KRR1: variants seen among roughly 807,000 people sequenced by gnomAD.
The protein encoded by KRR1 is KRR1 small subunit processome component homolog.
A neutral mutation model predicts 50.0 loss-of-function variants in KRR1; 23 were observed. The observed-to-expected ratio is 0.46, with a 90% confidence interval of 0.33 to 0.65. The LOEUF is 0.65. Among genes scored for constraint, KRR1 ranks in the 30% least tolerant of loss-of-function variants. KRR1 has a pLI of 0.02. For missense variants in KRR1, 419 were observed against 442.4 expected, an observed-to-expected ratio of 0.95 and a Z score of 0.47; for synonymous variants, 133 against 146.3, an observed-to-expected ratio of 0.91 and a Z score of 0.66.
At chr12:75,505,438 GAATAC>G (rs1444805420) in intron 5 of KRR1, among the ~76,000 whole-genome samples, 184 bp from the exon 6 acceptor site, 1 of 151,976 alleles carries the variant, frequency 6.6e-6, no homozygotes, top group Non-Finnish European at 1.5e-5. Flanking sequence ...AATCTCCCTT[GAATAC>G]AATACAGTTT....
In KRR1 at chr12:75,506,889, C is replaced by A; in HGVS notation, c.286G>T (p.Glu96Ter). 6.2e-7 allele frequency: 1 copy of A among 1,612,222 alleles called. No homozygotes were observed. Among genetic ancestry groups the A allele is most frequent in the Non-Finnish European group, 8.5e-7 (1 of 1,179,110 alleles). Residue 96 changes from glutamate (E) to a stop codon, truncating the protein, a stop_gained, in exon 3 of 10, where the codon GAA (glutamate) becomes TAA (stop). Transcript: ENST00000229214. LOFTEE classifies it high-confidence loss of function. ...HHVNATLDLI[E>*]GSMTVCTTKK... is the part of the protein sequence containing the mutation. The stretch of plus-strand genomic sequence containing the variant: ...GTAGTACAAACAGTCATGCTGCCTT[C>A]GATCAGGTCCAGGGTTGCATTAACA...
rs565529068 is a variant in KRR1 at position 75,497,075 on chromosome 12, T to C, written c.*2734A>G. 6.6e-6 allele frequency: 1 copy of C among 152,352 alleles called. No homozygotes were observed. The highest frequency in any genetic ancestry group is 1.9e-4 in the East Asian group (1 of 5,186). 9.4% of individuals were successfully genotyped at this position (152,352 alleles called of 1,614,324 possible). A position where few individuals can be genotyped will look rare whatever the true frequency, so the allele number is the denominator to read the frequency against. ...TTCCTTCCAAATTAACCAGTATACA[T>C]AAGGGCTAAAACTATGGATTTCAGA... On this transcript the variant is annotated 3_prime_UTR_variant, in exon 10 of 10. Transcript: ENST00000229214.
chr12:75,499,743 C>A lies in KRR1; in HGVS notation c.*66G>T. ...AGAAAATTTCTCACAAATAAGGCAA[C>A]TAATGCCTGATATCTCAAAATCCTT... On this transcript the variant is annotated 3_prime_UTR_variant, in exon 10 of 10. Transcript: ENST00000229214. 2.4e-6 allele frequency: 3 copies of A among 1,251,352 alleles called. No homozygotes were observed. The highest frequency in any genetic ancestry group is 2.7e-5 in the East Asian group (1 of 37,412). The allele number at this position is 1,251,352 out of a possible 1,614,324, so 77.5% of individuals were successfully genotyped here.
rs2046322938 is a variant in KRR1, at chr12:75,491,371, C to G, written c.*8438G>C. 1 of 152,174 alleles carries G rather than the reference C, an allele frequency of 6.6e-6. No homozygotes were observed. The highest frequency in any genetic ancestry group is 1.9e-4 in the East Asian group (1 of 5,198). The allele number at this position is 152,174 out of a possible 1,614,324, so 9.4% of individuals were successfully genotyped here. A position where few individuals can be genotyped will look rare whatever the true frequency, so the allele number is the denominator to read the frequency against. ...GTGACTATCACTGATGGACTTTGAT[C>G]TGGCTGTCTAGCTCCAGAGTCCATG... On this transcript the variant is annotated 3_prime_UTR_variant, in exon 10 of 10. Transcript: ENST00000229214.
intron 7 of KRR1, chr12:75,503,312 TTCTC>T (rs1160947962): frequency 2.0e-5 from 3 of 152,154 alleles, no homozygotes; most frequent in African/African-American, 7.2e-5. Context: ...AGATAAAACT[TTCTC>T]TAACTTAATT....
At chr12:75,501,554 C>A in intron 9 of KRR1, 169 bp downstream of exon 9, 1 of 583,384 alleles carries the variant, frequency 1.7e-6, no homozygotes. Context: ...TTAGCTGCCT[C>A]TAAATTATAA....
intron 9 of KRR1, chr12:75,500,494 TAATTC>T (rs1318196156): frequency 2.5e-5 from 1 of 39,486 alleles, no homozygotes; most frequent in Non-Finnish European, 1.1e-4. Flanking sequence ...TTCAATGAAT[TAATTC>T]ATTTAATGTT....
intron 1 of KRR1, 49 bp downstream of exon 1, chr12:75,511,464 G>T: frequency 6.6e-7 from 1 of 1,504,074 alleles, no homozygotes. Context: ...AAAAAACATC[G>T]CAACTCAACG....
chr12:75,502,319 A>G (rs1262393754), intron 7 of KRR1: 3 of 218,260 alleles, frequency 1.4e-5, no homozygotes, highest in East Asian at 2.1e-4. Context: ...AATGGCAGAC[A>G]AAGTAGGAGG....
Position 75,493,321 on chromosome 12 carries a change from T to C in KRR1, c.*6488A>G, listed in dbSNP as rs1216633331. The C allele has an allele frequency of 7.2e-5, 11 of 152,226 alleles. No homozygotes were observed. Among genetic ancestry groups the C allele is most frequent in the Admixed American group, 7.2e-4 (11 of 15,276 alleles). 9.4% of individuals were successfully genotyped at this position (152,226 alleles called of 1,614,324 possible). On this transcript the variant is annotated 3_prime_UTR_variant, in exon 10 of 10. Transcript: ENST00000229214. ...TGCCCTCTGCCCTCTGAGGTATTAT[T>C]TTCCTATACACAAAAAGTTGTAGGC... is the stretch of plus-strand genomic sequence containing the variant.
chr12:75,498,666 T>TTTTTC lies in KRR1; in HGVS notation c.*1138_*1142dup. The TTTTTC allele has an allele frequency of 6.3e-7, 1 of 1,597,014 alleles. No individual in the cohort carries two copies. Among genetic ancestry groups the TTTTTC allele is most frequent in the Non-Finnish European group, 8.6e-7 (1 of 1,164,682 alleles). On this transcript the variant is annotated 3_prime_UTR_variant, in exon 10 of 10. Transcript: ENST00000229214. ...TCAACTGTGTCTACCCTTTTAATTT[T>TTTTTC]TTTTCTTTCTTCCCCCTAACTTTAC...
rs1320409899 is a variant in KRR1 at position 75,494,971 on chromosome 12, GCTCA to G, written c.*4834_*4837del. On this transcript the variant is annotated 3_prime_UTR_variant, in exon 10 of 10. Transcript: ENST00000229214. The stretch of plus-strand genomic sequence containing the variant: ...AGAACAAAGACAAGCACATGGTAGT[GCTCA>G]CTAATTAGCAGCTATTATTCATATC... 1 of 152,148 alleles carries G rather than the reference GCTCA, an allele frequency of 6.6e-6. No individual in the cohort carries two copies. The highest frequency in any genetic ancestry group is 1.5e-5 in the Non-Finnish European group (1 of 68,054). 9.4% of individuals were successfully genotyped at this position (152,148 alleles called of 1,614,324 possible). A position where few individuals can be genotyped will look rare whatever the true frequency, so the allele number is the denominator to read the frequency against.
chr12:75,509,318 T>C (rs1267100178), intron 1 of KRR1, among the ~76,000 whole-genome samples: 1 of 152,190 alleles, frequency 6.6e-6, no homozygotes, highest in Non-Finnish European at 1.5e-5. Flanking sequence ...ACAGACCTAC[T>C]GAATGAGAAT....
At position 75,495,576 on chromosome 12, in the gene KRR1, G is replaced by T. The variant is rs769877918; in HGVS notation, c.*4233C>A. On this transcript the variant is annotated 3_prime_UTR_variant, in exon 10 of 10. Coordinates refer to ENST00000229214, the MANE Select transcript of KRR1 (RefSeq NM_007043.7). ...ATGGACATCCTTCTTCTGCTTTACA[G>T]AGGGAATTACCCAACTTGGCCATAT... The T allele has an allele frequency of 6.3e-7, 1 of 1,578,790 alleles. No homozygotes were observed. The highest frequency in any genetic ancestry group is 2.2e-5 in the East Asian group (1 of 44,688).
chr12:75,510,688 G>A (rs1454380889), intron 1 of KRR1, among the ~76,000 whole-genome samples: 1 of 152,162 alleles, frequency 6.6e-6, no homozygotes, highest in African/African-American at 2.4e-5. Flanking sequence ...GGTTTGAGGG[G>A]TATGGTAATG....
At position 75,495,377 on chromosome 12, in the gene KRR1, T is replaced by C. The variant is rs900118831; in HGVS notation, c.*4432A>G. On this transcript the variant is annotated 3_prime_UTR_variant, in exon 10 of 10. Coordinates refer to ENST00000229214, the MANE Select transcript of KRR1 (RefSeq NM_007043.7). Reference sequence around the variant, plus strand: ...TGGGATGCAGATTAAAACAGGTGCATAGACACAGGTACATAGAATGAACTA... The same window carrying C: ...TGGGATGCAGATTAAAACAGGTGCACAGACACAGGTACATAGAATGAACTA... 1.6e-5 allele frequency: 8 copies of C among 490,260 alleles called. No homozygotes were observed. Among genetic ancestry groups the C allele is most frequent in the African/African-American group, 5.8e-5 (3 of 51,702 alleles). 30.4% of individuals were successfully genotyped at this position (490,260 alleles called of 1,614,324 possible). A position where few individuals can be genotyped will look rare whatever the true frequency, so the allele number is the denominator to read the frequency against.
Position 75,506,312 on chromosome 12 carries a change from T to C in KRR1, c.603+4A>G. 6.4e-7 allele frequency: 1 copy of C among 1,574,136 alleles called. No individual in the cohort carries two copies. The highest frequency in any genetic ancestry group is 8.7e-7 in the Non-Finnish European group (1 of 1,146,916). ...ATGAATCGAAGATAATACATAGTTC[T>C]CACCTCTTTTAAGCCACTAAAAGGT... On this transcript the variant is annotated splice_donor_region_variant and intron_variant, in intron 5 of 9. Transcript: ENST00000229214.
At chr12:75,501,622 T>C (rs2046394534) in intron 9 of KRR1, 101 bp downstream of exon 9, 7 of 739,140 alleles carry the variant, frequency 9.5e-6, no homozygotes, top group Non-Finnish European at 1.6e-5. Context: ...CTAAGAGAAC[T>C]GATGAAAAGA....
chr12:75,498,662 A>C lies in KRR1; in HGVS notation c.*1147T>G, dbSNP rs2046367093. The C allele has an allele frequency of 1.3e-6, 2 of 1,585,592 alleles. No individual in the cohort carries two copies. The highest frequency in any genetic ancestry group is 1.7e-6 in the Non-Finnish European group (2 of 1,154,726). On this transcript the variant is annotated 3_prime_UTR_variant, in exon 10 of 10. Transcript: ENST00000229214. ...ACTCTCAACTGTGTCTACCCTTTTA[A>C]TTTTTTTTCTTTCTTCCCCCTAACT...
Sources: gnomAD v4.1 joint callset for allele counts (sites outside exome capture counted in the v4.1 genomes callset) on GRCh38, gnomAD v4.1.1 for gene constraint, MANE v1.5 for transcripts, NCBI Gene and HGNC (gene_info 2026-07-23, HGNC 2026-07-21) for gene names.